The following SBF2 variants were observed in gnomAD, a reference collection of about 807,000 sequenced individuals.
SBF2 encodes SET binding factor 2.
SBF2 carries 112 observed loss-of-function variants against 225.2 expected under a neutral mutation model. The observed-to-expected ratio is 0.50, with a 90% CI of 0.43 to 0.58. The LOEUF is 0.58. SBF2 is among the 20% of genes least tolerant of loss of function. The pLI is 0.00. For missense variants in SBF2, 1,996 were observed against 2,206.2 expected, an observed-to-expected ratio of 0.90 and a Z score of 1.91; for synonymous variants, 763 against 773.3, an observed-to-expected ratio of 0.99 and a Z score of 0.22.
chr11:9,992,281 T>G, intron 12 of SBF2, 134 bp downstream of exon 12: 2 of 674,838 alleles, frequency 3.0e-6, no homozygotes, highest in Non-Finnish European at 4.7e-6. Flanking sequence ...TTGATAAGCA[T>G]AATAAATAAC....
intron 17 of SBF2, among the ~76,000 whole-genome samples, chr11:9,888,504 CA>C (rs11379489): frequency 6.8e-4 from 94 of 137,976 alleles, no homozygotes; most frequent in African/African-American, 6.8e-4. Context: ...AAACCAGTCT[CA>C]AAAAAAAAAA....
intron 33 of SBF2, among the ~76,000 whole-genome samples, chr11:9,792,429 CAA>C (rs763276221): frequency 4.0e-5 from 5 of 125,960 alleles, no homozygotes; most frequent in Admixed American, 2.4e-4. Flanking sequence ...GACTCCATCT[CAA>C]AAAAAAAAAA....
chr11:10,038,602 C>T (rs1227396475), intron 3 of SBF2, among the ~76,000 whole-genome samples: 1 of 151,866 alleles, frequency 6.6e-6, no homozygotes, highest in East Asian at 1.9e-4. Flanking sequence ...TGGTTTTGTA[C>T]TTAAGTTTTG....
chr11:9,949,213 C>T (rs1865725465), intron 16 of SBF2, among the ~76,000 whole-genome samples: 1 of 151,990 alleles, frequency 6.6e-6, no homozygotes, highest in Non-Finnish European at 1.5e-5. Context: ...TTTTTATAGG[C>T]TAATCTTATA....
chr11:10,048,723 T>G (rs868133700), intron 2 of SBF2, among the ~76,000 whole-genome samples: 1 of 152,198 alleles, frequency 6.6e-6, no homozygotes, highest in African/African-American at 2.4e-5. Context: ...AATATTATCA[T>G]ACTATTAGTT....
At chr11:10,149,485 AAC>A (rs1419750774) in intron 2 of SBF2, 1 of 152,212 alleles carries the variant, frequency 6.6e-6, no homozygotes, top group Non-Finnish European at 1.5e-5. Context: ...AATTACAATG[AAC>A]ACACACTACT....
intron 2 of SBF2, among the ~76,000 whole-genome samples, chr11:10,181,231 G>T (rs1409310644): frequency 6.6e-6 from 1 of 151,972 alleles, no homozygotes; most frequent in Non-Finnish European, 1.5e-5. Context: ...AAAAGCTTTA[G>T]CAGAGAATCA....
At chr11:9,934,692 C>G (rs532727661) in intron 16 of SBF2, among the ~76,000 whole-genome samples, 2 of 152,122 alleles carry the variant, frequency 1.3e-5, no homozygotes, top group Non-Finnish European at 2.9e-5. Context: ...ATAAACAGAA[C>G]CAACAACAAA....
chr11:9,847,867 G>A (rs1469625849), intron 22 of SBF2, among the ~76,000 whole-genome samples: 6 of 152,150 alleles, frequency 3.9e-5, no homozygotes, highest in African/African-American at 1.2e-4. Context: ...TAGCTCCTAC[G>A]TTTGAGGGAA....
At chr11:10,052,424 T>A (rs562978366) in intron 2 of SBF2, among the ~76,000 whole-genome samples, 2 of 152,310 alleles carry the variant, frequency 1.3e-5, no homozygotes, top group Admixed American at 1.3e-4. Flanking sequence ...ACAACGTATC[T>A]GGGAACAGGC....
intron 1 of SBF2, among the ~76,000 whole-genome samples, chr11:10,232,366 G>A (rs184154725): frequency 0.015 from 2,264 of 152,138 alleles, 33 homozygotes; most frequent in Middle Eastern, 0.031. Context: ...ACCTCAGTTG[G>A]AAATGCATAA....
At position 9,989,405 on chromosome 11, in the gene SBF2, C is replaced by T. The variant is rs193290262; in HGVS notation, c.1395+92G>A. 1.3e-3 allele frequency: 996 copies of T among 771,996 alleles called. 3 individuals carry two copies. The highest frequency in any genetic ancestry group is 4.1e-3 in the Middle Eastern group (11 of 2,678). 47.8% of individuals were successfully genotyped at this position (771,996 alleles called of 1,614,324 possible). ...AAATCAACACTAAAGAGCTCACTCA[C>T]GTAACCACGTAACACCCGTACCCCA... On this transcript the variant is annotated intron_variant, in intron 13 of 39. Transcript: ENST00000256190.
chr11:9,879,705 T>G (rs2134078104), intron 17 of SBF2, among the ~76,000 whole-genome samples: 2 of 152,296 alleles, frequency 1.3e-5, no homozygotes, highest in Middle Eastern at 6.8e-3. Flanking sequence ...CTAGGTTAGG[T>G]GCTTTACATG....
intron 1 of SBF2, among the ~76,000 whole-genome samples, chr11:10,299,285 T>C (rs4418806): frequency 0.5 from 73,129 of 145,076 alleles, 18,323 homozygotes; most frequent in Non-Finnish European, 0.55. Flanking sequence ...TTGCAGTGGG[T>C]CGAGATGGCA....
At chr11:10,096,704 C>T (rs1198558846) in intron 2 of SBF2, among the ~76,000 whole-genome samples, 2 of 152,120 alleles carry the variant, frequency 1.3e-5, no homozygotes, top group African/African-American at 2.4e-5. Context: ...CTGATAATGT[C>T]AAAAGGCACC....
chr11:10,114,242 G>GT (rs1953025358), intron 2 of SBF2, among the ~76,000 whole-genome samples: 1 of 152,174 alleles, frequency 6.6e-6, no homozygotes, highest in South Asian at 2.1e-4. Flanking sequence ...TAAATGTGAT[G>GT]TATTATTTTT....
chr11:10,267,793 G>A (rs1437487743), intron 1 of SBF2, among the ~76,000 whole-genome samples: 1 of 152,108 alleles, frequency 6.6e-6, no homozygotes, highest in Non-Finnish European at 1.5e-5. Context: ...GGGAGTTTAA[G>A]GTGGGGGTGA....
intron 2 of SBF2, among the ~76,000 whole-genome samples, chr11:10,043,537 G>C (rs1039234805): frequency 1.3e-5 from 2 of 152,170 alleles, no homozygotes; most frequent in Non-Finnish European, 1.5e-5. Flanking sequence ...ATAACAGGCA[G>C]ATAGCTGGAA....
chr11:10,190,767 G>C (rs1221465952), intron 2 of SBF2, among the ~76,000 whole-genome samples: 1 of 152,072 alleles, frequency 6.6e-6, no homozygotes, highest in East Asian at 1.9e-4. Flanking sequence ...TAATAAAGTT[G>C]GTCCCTATTC....
Sources: gnomAD v4.1 joint callset for allele counts (sites outside exome capture counted in the v4.1 genomes callset) on GRCh38, gnomAD v4.1.1 for gene constraint, MANE v1.5 for transcripts, NCBI Gene and HGNC (gene_info 2026-07-23, HGNC 2026-07-21) for gene names.